Variants in CUL4A observed in about 807,000 individuals in gnomAD.
The protein encoded by CUL4A is cullin 4A.
A neutral mutation model predicts 95.5 loss-of-function variants in CUL4A; 16 were observed. The ratio of observed to expected loss-of-function variants is 0.17; its 90% confidence interval spans 0.11 to 0.25. The LOEUF (loss-of-function observed/expected upper bound fraction) is 0.25. CUL4A is among the 10% of genes least tolerant of loss of function. The pLI is 1.00. For synonymous variants in CUL4A, 380 were observed against 353.1 expected, an observed-to-expected ratio of 1.08 and a Z score of -0.85; for missense variants, 610 against 937.0, an observed-to-expected ratio of 0.65 and a Z score of 4.56.
intron 2 of CUL4A, among the ~76,000 whole-genome samples, chr13:113,217,817 A>T (rs1268721761): frequency 6.6e-6 from 1 of 152,240 alleles, no homozygotes; most frequent in African/African-American, 2.4e-5. Flanking sequence ...TTCATATTGG[A>T]ATTGAATGAG....
chr13:113,216,244 T>C (rs1319845716), intron 2 of CUL4A, among the ~76,000 whole-genome samples: 10 of 152,250 alleles, frequency 6.6e-5, no homozygotes, highest in Non-Finnish European at 2.9e-5. Flanking sequence ...ATGGCCTTCC[T>C]TGTTCTGTCT....
chr13:113,230,484 C>G (rs547041200), intron 5 of CUL4A, among the ~76,000 whole-genome samples: 12 of 152,314 alleles, frequency 7.9e-5, no homozygotes, highest in African/African-American at 2.9e-4. Context: ...TCCCAAACAT[C>G]TCCTAGTAGG....
intron 7 of CUL4A, among the ~76,000 whole-genome samples, chr13:113,234,559 C>T (rs1044859735): frequency 6.6e-6 from 1 of 152,226 alleles, no homozygotes; most frequent in African/African-American, 2.4e-5. Context: ...AGCCCAGCTG[C>T]AGCTACCCCA....
chr13:113,239,657 A>T, intron 10 of CUL4A, 106 bp downstream of exon 10: 1 of 750,166 alleles, frequency 1.3e-6, no homozygotes, highest in Non-Finnish European at 2.2e-6. Context: ...GGGCTGCTGG[A>T]GGGCCCGTCT....
At chr13:113,262,343 A>G (rs1013893446) in intron 19 of CUL4A, among the ~76,000 whole-genome samples, 2 of 152,154 alleles carry the variant, frequency 1.3e-5, no homozygotes, top group Non-Finnish European at 2.9e-5. Flanking sequence ...TGCAATAACT[A>G]TGTAAATACA....
chr13:113,223,546 C>T (rs556418641), intron 3 of CUL4A, among the ~76,000 whole-genome samples: 6 of 152,210 alleles, frequency 3.9e-5, no homozygotes, highest in African/African-American at 9.6e-5. Flanking sequence ...TACAGGAATG[C>T]GCCACCACGC....
Position 113,265,164 on chromosome 13 carries a change from G to A in CUL4A, c.*1582G>A, listed in dbSNP as rs2042376731. 6.6e-6 allele frequency: 1 copy of A among 152,216 alleles called. No individual in the cohort carries two copies. Among genetic ancestry groups the A allele is most frequent in the African/African-American group, 2.4e-5 (1 of 41,460 alleles). 9.4% of individuals were successfully genotyped at this position (152,216 alleles called of 1,614,324 possible). ...AGGGAGCACCTGTCCCCTCTCAAGTGATTATTCTTTCCTGGCCACCTCTAC... is the reference window on the plus strand; with the variant it reads ...AGGGAGCACCTGTCCCCTCTCAAGTAATTATTCTTTCCTGGCCACCTCTAC... On this transcript the variant is annotated 3_prime_UTR_variant, in exon 20 of 20. Coordinates refer to ENST00000375440, the MANE Select transcript of CUL4A (RefSeq NM_001008895.4).
At chr13:113,210,211 C>T (rs888668638) in intron 2 of CUL4A, 123 bp downstream of exon 2, 4 of 586,034 alleles carry the variant, frequency 6.8e-6, no homozygotes, top group Admixed American at 4.3e-5. Flanking sequence ...GCGTTTGCCT[C>T]CACTGCAGGG....
In CUL4A at chr13:113,256,244, TCTC is replaced by T. The variant is rs374296665; in HGVS notation, c.2031+1122_2031+1124del. ...CAGTTTTCGTTGCTGATCGCAGTCT[TCTC>T]CTGGCCAGGACTTGTTGCAGGAGCA... On this transcript the variant is annotated intron_variant, in intron 18 of 19. Coordinates refer to ENST00000375440, the MANE Select transcript of CUL4A (RefSeq NM_001008895.4). 1.6e-4 allele frequency among the ~76,000 whole-genome samples: 24 copies of T among 152,240 alleles called. 1 individual carries two copies. The East Asian group carries it at 4.6e-3, about 29-fold the overall frequency.
chr13:113,251,717 A>G (rs1017120827), intron 15 of CUL4A, among the ~76,000 whole-genome samples: 5 of 152,088 alleles, frequency 3.3e-5, no homozygotes, highest in Admixed American at 1.3e-4. Flanking sequence ...ACCTTCTGCC[A>G]TGATTAAAAG....
At chr13:113,227,908 A>AG in intron 3 of CUL4A, 68 bp from the exon 4 acceptor site, 2 of 253,674 alleles carry the variant, frequency 7.9e-6, no homozygotes, top group Non-Finnish European at 1.1e-5. Context: ...ACTCCATCTC[A>AG]AAAAAAAAAA....
chr13:113,266,961 C>A lies in CUL4A; in HGVS notation c.*3379C>A, dbSNP rs2042406674. The A allele has an allele frequency of 6.6e-6, 1 of 152,154 alleles. No homozygotes were observed. Among genetic ancestry groups the A allele is most frequent in the South Asian group, 2.1e-4 (1 of 4,830 alleles). The allele number at this position is 152,154 out of a possible 1,614,324, so 9.4% of individuals were successfully genotyped here. Reference sequence around the variant, plus strand: ...GACTAGTCAAGCTAGTTACATCCATCACCTCAAATACTTAACATTTTTGTA... The same window carrying A: ...GACTAGTCAAGCTAGTTACATCCATAACCTCAAATACTTAACATTTTTGTA... On this transcript the variant is annotated 3_prime_UTR_variant, in exon 20 of 20. Transcript: ENST00000375440.
chr13:113,255,481 T>A (rs889746054), intron 18 of CUL4A, among the ~76,000 whole-genome samples: 1 of 152,090 alleles, frequency 6.6e-6, no homozygotes, highest in Non-Finnish European at 1.5e-5. Context: ...TCTGGGTAAA[T>A]GTATAATGTT....
intron 18 of CUL4A, among the ~76,000 whole-genome samples, chr13:113,257,041 C>T (rs554872143): frequency 7.0e-6 from 1 of 143,396 alleles, no homozygotes; most frequent in African/African-American, 2.6e-5. Context: ...TCTCCTGTCT[C>T]AGCCTCTCGA....
intron 2 of CUL4A, among the ~76,000 whole-genome samples, chr13:113,215,856 T>TG (rs927874875): frequency 2.8e-5 from 4 of 142,506 alleles, no homozygotes; most frequent in Non-Finnish European, 6.1e-5. Context: ...TGTGTGACTA[T>TG]GGAGGTCTCG....
chr13:113,246,860 C>G (rs1223402733), intron 15 of CUL4A, among the ~76,000 whole-genome samples: 1 of 152,110 alleles, frequency 6.6e-6, no homozygotes, highest in African/African-American at 2.4e-5. Context: ...CATTGTTATG[C>G]TTAGGTTTGA....
intron 15 of CUL4A, among the ~76,000 whole-genome samples, chr13:113,250,496 A>G (rs1044992346): frequency 6.6e-6 from 1 of 152,118 alleles, no homozygotes; most frequent in Non-Finnish European, 1.5e-5. Context: ...TATTCTCCCA[A>G]AAGTTTTATA....
intron 9 of CUL4A, among the ~76,000 whole-genome samples, chr13:113,238,277 C>T (rs765779671): frequency 6.6e-6 from 1 of 151,662 alleles, no homozygotes; most frequent in Admixed American, 6.6e-5. Flanking sequence ...CTGTCTCTAC[C>T]AAAAAAATAA....
chr13:113,243,198 G>C (rs754110991), intron 11 of CUL4A, 38 bp downstream of exon 11: 58 of 1,560,084 alleles, frequency 3.7e-5, no homozygotes, highest in Non-Finnish European at 4.9e-5. Flanking sequence ...GTTTGTTTTT[G>C]AGACAGTCTC....
Sources: allele counts gnomAD v4.1 joint callset (sites outside exome capture counted in the v4.1 genomes callset), GRCh38; gene constraint gnomAD v4.1.1; transcripts MANE v1.5; gene names NCBI Gene and HGNC (gene_info 2026-07-23, HGNC 2026-07-21).